RNLS: variants seen among roughly 807,000 people sequenced by gnomAD.
RNLS encodes renalase.
A neutral mutation model predicts 39.8 loss-of-function variants in RNLS; 39 were observed. That is an observed-to-expected ratio of 0.98 (90% CI 0.76 to 1.28). The LOEUF (loss-of-function observed/expected upper bound fraction) is 1.28, where lower values mean the gene tolerates loss of function less well. RNLS is among the 50% of genes most tolerant of loss of function. The pLI, the probability that RNLS is intolerant of heterozygous loss-of-function variation, is 0.00. For missense variants in RNLS, 410 were observed against 413.3 expected, an observed-to-expected ratio of 0.99 and a Z score of 0.07; for synonymous variants, 147 against 150.7, an observed-to-expected ratio of 0.98 and a Z score of 0.18.
intron 4 of RNLS, among the ~76,000 whole-genome samples, chr10:88,383,900 T>C (rs1648520): frequency 0.61 from 92,020 of 151,910 alleles, 28,035 homozygotes; most frequent in Middle Eastern, 0.64. Flanking sequence ...GGGCAATTGA[T>C]TCTGATGATA....
At chr10:88,322,915 G>A (rs1179842342) in intron 5 of RNLS, among the ~76,000 whole-genome samples, 1 of 152,042 alleles carries the variant, frequency 6.6e-6, no homozygotes, top group African/African-American at 2.4e-5. Flanking sequence ...TCCTAGACCT[G>A]ATAAATGACT....
At chr10:88,429,173 AG>A (rs1854993514) in intron 4 of RNLS, among the ~76,000 whole-genome samples, 1 of 152,038 alleles carries the variant, frequency 6.6e-6, no homozygotes, top group Non-Finnish European at 1.5e-5. Flanking sequence ...GGTTGGAGCC[AG>A]GGCCGCCACT....
At chr10:88,335,460 T>C (rs541953679) in intron 5 of RNLS, among the ~76,000 whole-genome samples, 12 of 152,232 alleles carry the variant, frequency 7.9e-5, no homozygotes, top group African/African-American at 2.6e-4. Context: ...ACTCAAGGGA[T>C]TCACCCACTT....
At chr10:88,426,459 GA>G (rs1370678802) in intron 4 of RNLS, among the ~76,000 whole-genome samples, 2 of 151,822 alleles carry the variant, frequency 1.3e-5, no homozygotes, top group South Asian at 2.1e-4. Context: ...TTACTGTTGG[GA>G]AAAAGAAAAG....
chr10:88,241,670 T>G, the RNLS span, among the ~76,000 whole-genome samples: 1 of 152,154 alleles, frequency 6.6e-6, no homozygotes, highest in Non-Finnish European at 1.5e-5. Context: ...AATCCAGTTT[T>G]AAAAACCTAT....
chr10:88,437,749 GC>G (rs2133834482), intron 4 of RNLS, among the ~76,000 whole-genome samples: 1 of 152,190 alleles, frequency 6.6e-6, no homozygotes, highest in Admixed American at 6.5e-5. Context: ...TCTTATGAAT[GC>G]CCCCAAGGTC....
At chr10:88,212,105 A>G in the RNLS span, among the ~76,000 whole-genome samples, 1 of 152,188 alleles carries the variant, frequency 6.6e-6, no homozygotes, top group Non-Finnish European at 1.5e-5. Flanking sequence ...CATTGATGTC[A>G]TCTTTTATGA....
chr10:88,356,266 A>G (rs1248698089), intron 5 of RNLS, among the ~76,000 whole-genome samples: 2 of 152,198 alleles, frequency 1.3e-5, no homozygotes, highest in Non-Finnish European at 2.9e-5. Flanking sequence ...TGAACCCGGT[A>G]CCTCAGTTGG....
chr10:88,556,897 T>G (rs966220159), intron 4 of RNLS, among the ~76,000 whole-genome samples: 3 of 152,252 alleles, frequency 2.0e-5, no homozygotes, highest in East Asian at 1.9e-4. Flanking sequence ...TATTCACTTA[T>G]TTTTCCTCCA....
intron 6 of RNLS, among the ~76,000 whole-genome samples, chr10:88,303,365 C>T (rs187819451): frequency 1.2e-3 from 184 of 152,320 alleles, no homozygotes; most frequent in African/African-American, 4.0e-3. Context: ...CTCCGAAAGA[C>T]AATCTTGCCC....
At chr10:88,312,689 T>C (rs183184101) in intron 6 of RNLS, among the ~76,000 whole-genome samples, 76 of 152,276 alleles carry the variant, frequency 5.0e-4, no homozygotes, top group African/African-American at 1.7e-3. Context: ...TTAAAACATA[T>C]ATATTTAAAA....
At chr10:88,420,750 C>T (rs528747615) in intron 4 of RNLS, among the ~76,000 whole-genome samples, 12 of 152,286 alleles carry the variant, frequency 7.9e-5, no homozygotes, top group African/African-American at 1.4e-4. Context: ...TGTGAACATA[C>T]GTGGGGAGGA....
intron 4 of RNLS, among the ~76,000 whole-genome samples, chr10:88,481,175 T>C (rs930706049): frequency 2.0e-5 from 3 of 152,190 alleles, no homozygotes; most frequent in African/African-American, 4.8e-5. Context: ...TATCTTTTTC[T>C]ATCTACTTAC....
chr10:88,263,923 A>G, the RNLS span, among the ~76,000 whole-genome samples: 1 of 152,114 alleles, frequency 6.6e-6, no homozygotes, highest in Non-Finnish European at 1.5e-5. Context: ...ACTCATACCC[A>G]AGCAGTATAC....
intron 4 of RNLS, among the ~76,000 whole-genome samples, chr10:88,517,833 G>A (rs1252379849): frequency 6.6e-6 from 1 of 151,882 alleles, no homozygotes; most frequent in Non-Finnish European, 1.5e-5. Flanking sequence ...AAGGTTTGGA[G>A]AGAAAATTTT....
At chr10:88,459,087 T>A (rs1842797544) in intron 4 of RNLS, among the ~76,000 whole-genome samples, 1 of 140,950 alleles carries the variant, frequency 7.1e-6, no homozygotes, top group African/African-American at 2.8e-5. Flanking sequence ...TGGAGCTTTC[T>A]AGCTTTTTCT....
intron 4 of RNLS, among the ~76,000 whole-genome samples, chr10:88,470,827 G>A (rs1458766636): frequency 2.0e-5 from 3 of 151,998 alleles, no homozygotes; most frequent in African/African-American, 7.2e-5. Flanking sequence ...TGTTGGTCAG[G>A]CTGGTCTCAA....
At chr10:88,483,534 A>G (rs951303067) in intron 4 of RNLS, among the ~76,000 whole-genome samples, 3 of 152,190 alleles carry the variant, frequency 2.0e-5, no homozygotes, top group East Asian at 3.8e-4. Flanking sequence ...AACATTTACA[A>G]ATTTCATAAT....
chr10:88,413,905 T>C (rs991663217), intron 4 of RNLS, among the ~76,000 whole-genome samples: 1 of 152,162 alleles, frequency 6.6e-6, no homozygotes, highest in Non-Finnish European at 1.5e-5. Flanking sequence ...ACCTGGACCT[T>C]ATTTTGTTCC....
Sources: allele counts gnomAD v4.1 joint callset (sites outside exome capture counted in the v4.1 genomes callset), GRCh38; gene constraint gnomAD v4.1.1; transcripts MANE v1.5; gene names NCBI Gene and HGNC (gene_info 2026-07-23, HGNC 2026-07-21).